EYS: variants seen among roughly 807,000 people sequenced by gnomAD.
The protein encoded by EYS is protein eyes shut homolog.
A neutral mutation model predicts 282.1 loss-of-function variants in EYS; 250 were observed. The observed-to-expected ratio is 0.89, with a 90% CI of 0.80 to 0.98. The LOEUF is 0.98. Ranked by LOEUF, EYS falls within the 50% of genes least tolerant of loss-of-function variation. EYS has a pLI of 0.00. For synonymous variants in EYS, 1,355 were observed against 1,282.9 expected, an observed-to-expected ratio of 1.06 and a Z score of -1.20; for missense variants, 4,016 against 3,709.0, an observed-to-expected ratio of 1.08 and a Z score of -2.15.
At chr6:63,844,232 T>C (rs60564402) in intron 36 of EYS, among the ~76,000 whole-genome samples, 18,712 of 152,250 alleles carry the variant, frequency 0.12, 1,406 homozygotes, top group African/African-American at 0.2. Context: ...ATATGTACCA[T>C]ATTTTCTCTA....
At chr6:63,898,792 A>G (rs1390687313) in intron 35 of EYS, among the ~76,000 whole-genome samples, 1 of 29,126 alleles carries the variant, frequency 3.4e-5, no homozygotes, top group Non-Finnish European at 1.5e-4. Context: ...TAAACCTCAG[A>G]GAAAAGAATG....
intron 30 of EYS, among the ~76,000 whole-genome samples, chr6:64,304,152 T>C (rs1226443699): frequency 6.6e-6 from 1 of 152,184 alleles, no homozygotes; most frequent in Non-Finnish European, 1.5e-5. Context: ...CTGCAGACTC[T>C]GACAGCAGAG....
chr6:65,242,977 T>A (rs2150277059), intron 12 of EYS, among the ~76,000 whole-genome samples: 1 of 152,328 alleles, frequency 6.6e-6, no homozygotes, highest in East Asian at 1.9e-4. Context: ...TCTGTATTGT[T>A]ATTGAATTGT....
At chr6:64,132,898 T>C (rs1250202312) in intron 31 of EYS, among the ~76,000 whole-genome samples, 3 of 152,032 alleles carry the variant, frequency 2.0e-5, no homozygotes, top group Non-Finnish European at 4.4e-5. Flanking sequence ...AAAATCATGC[T>C]AAGGTATATA....
chr6:64,674,842 C>T (rs1444558951), intron 22 of EYS, among the ~76,000 whole-genome samples: 1 of 151,824 alleles, frequency 6.6e-6, no homozygotes, highest in Non-Finnish European at 1.5e-5. Flanking sequence ...CTTTGTTATA[C>T]TCCAATTGCT....
chr6:65,654,616 G>A (rs1354915492), intron 1 of EYS, among the ~76,000 whole-genome samples: 1 of 151,726 alleles, frequency 6.6e-6, no homozygotes, highest in African/African-American at 2.4e-5. Context: ...AGTACTGGGT[G>A]TCAAAAGGTT....
chr6:65,401,374 T>A (rs1018460274), intron 7 of EYS, among the ~76,000 whole-genome samples: 1 of 151,376 alleles, frequency 6.6e-6, no homozygotes, highest in African/African-American at 2.4e-5. Context: ...GTCAGTTTTA[T>A]GTTTGGGGAG....
chr6:64,974,059 A>G (rs1770392862), intron 14 of EYS, among the ~76,000 whole-genome samples: 1 of 151,944 alleles, frequency 6.6e-6, no homozygotes, highest in South Asian at 2.1e-4. Flanking sequence ...CCATCATTAC[A>G]TTTATGAGCT....
chr6:64,720,188 A>G (rs1378426920), intron 22 of EYS, among the ~76,000 whole-genome samples: 1 of 152,134 alleles, frequency 6.6e-6, no homozygotes, highest in Non-Finnish European at 1.5e-5. Context: ...AGCAGCTGTT[A>G]GCTTATAGCT....
chr6:65,189,256 A>T, intron 12 of EYS, among the ~76,000 whole-genome samples: 1 of 151,748 alleles, frequency 6.6e-6, no homozygotes, highest in Non-Finnish European at 1.5e-5. Flanking sequence ...CTATATGATT[A>T]AACTATTCCT....
intron 22 of EYS, among the ~76,000 whole-genome samples, chr6:64,659,031 C>G (rs62417979): frequency 0.11 from 16,896 of 152,154 alleles, 1,112 homozygotes; most frequent in East Asian, 0.16. Flanking sequence ...AAATTATAAA[C>G]TGTCTTTCAG....
chr6:64,208,663 T>G (rs1765678428), intron 31 of EYS, among the ~76,000 whole-genome samples: 1 of 152,168 alleles, frequency 6.6e-6, no homozygotes, highest in South Asian at 2.1e-4. Context: ...TGGTGTGTGA[T>G]AGTATTTTGG....
chr6:65,543,769 C>T (rs545113412), intron 2 of EYS, among the ~76,000 whole-genome samples: 1 of 152,130 alleles, frequency 6.6e-6, no homozygotes, highest in Non-Finnish European at 1.5e-5. Context: ...CATTGTGAAT[C>T]ACAATTTGTT....
chr6:65,443,191 A>T (rs1365700734), intron 5 of EYS, among the ~76,000 whole-genome samples: 1 of 151,860 alleles, frequency 6.6e-6, no homozygotes, highest in Admixed American at 6.6e-5. Context: ...TCATATACAT[A>T]TGTGCGCACA....
At chr6:64,872,480 A>G (rs1170329386) in intron 19 of EYS, among the ~76,000 whole-genome samples, 1 of 152,038 alleles carries the variant, frequency 6.6e-6, no homozygotes, top group Non-Finnish European at 1.5e-5. Context: ...TTTCTTGCTG[A>G]GGACATAGGA....
intron 11 of EYS, among the ~76,000 whole-genome samples, chr6:65,315,335 A>G (rs1026674165): frequency 6.6e-6 from 1 of 152,164 alleles, no homozygotes; most frequent in African/African-American, 2.4e-5. Context: ...ACTATACATA[A>G]ATGCATACCA....
At chr6:64,476,200 T>C (rs1776262493) in intron 26 of EYS, among the ~76,000 whole-genome samples, 1 of 152,154 alleles carries the variant, frequency 6.6e-6, no homozygotes, top group Admixed American at 6.5e-5. Context: ...CTCACTGCCA[T>C]CTGTGCATGC....
At chr6:65,451,509 C>T (rs1764397235) in intron 5 of EYS, among the ~76,000 whole-genome samples, 1 of 152,022 alleles carries the variant, frequency 6.6e-6, no homozygotes, top group Non-Finnish European at 1.5e-5. Context: ...TACACAATCA[C>T]AGATCCTTAA....
chr6:64,791,210 G>A (rs1259988188), intron 22 of EYS, among the ~76,000 whole-genome samples: 3 of 151,722 alleles, frequency 2.0e-5, no homozygotes, highest in Non-Finnish European at 4.4e-5. Context: ...ACTTTTACAA[G>A]TTTTATAAAA....
Sources: gnomAD v4.1 joint callset for allele counts (sites outside exome capture counted in the v4.1 genomes callset) on GRCh38, gnomAD v4.1.1 for gene constraint, MANE v1.5 for transcripts, NCBI Gene and HGNC (gene_info 2026-07-23, HGNC 2026-07-21) for gene names.